The following CPLX4 variants were observed in gnomAD, a reference collection of about 807,000 sequenced individuals.
CPLX4 encodes complexin 4.
CPLX4 carries 17 observed loss-of-function variants against 16.1 expected under a neutral mutation model. The observed-to-expected ratio is 1.06, with a 90% CI of 0.72 to 1.59. CPLX4 has a LOEUF of 1.59. Among genes scored for constraint, CPLX4 ranks in the 40% most tolerant of loss-of-function variants. CPLX4 has a pLI of 0.00. For missense variants in CPLX4, 193 were observed against 192.9 expected (o/e 1.00, Z 0.00); for synonymous variants, 55 against 57.8 (o/e 0.95, Z 0.22).
intron 2 of CPLX4, among the ~76,000 whole-genome samples, chr18:59,300,396 T>C (rs1419245850): frequency 1.3e-5 from 2 of 152,182 alleles, no homozygotes; most frequent in Non-Finnish European, 2.9e-5. Flanking sequence ...AATGAACCTA[T>C]TGTCAGAGAG....
intron 2 of CPLX4, among the ~76,000 whole-genome samples, chr18:59,300,716 A>G (rs1043641367): frequency 6.6e-6 from 1 of 152,232 alleles, no homozygotes; most frequent in Non-Finnish European, 1.5e-5. Flanking sequence ...GTAGCTATTC[A>G]TAAAAATAAT....
chr18:59,308,405 G>A (rs2070592001), intron 2 of CPLX4, among the ~76,000 whole-genome samples: 1 of 151,706 alleles, frequency 6.6e-6, no homozygotes, highest in African/African-American at 2.4e-5. Flanking sequence ...TCCCTCTCCC[G>A]TTATGCCATG....
Position 59,295,529 on chromosome 18 carries a change from C to T in CPLX4, c.*1169G>A, listed in dbSNP as rs903324989. On this transcript the variant is annotated 3_prime_UTR_variant, in exon 3 of 3. Transcript: ENST00000299721. Reference sequence around the variant, plus strand: ...AGTTTTCGGTCTCAGTTTCCTTTTCCTTTGATAGATCTTTATTCACTGTAT... The same window carrying T: ...AGTTTTCGGTCTCAGTTTCCTTTTCTTTTGATAGATCTTTATTCACTGTAT... 13 of 149,668 alleles carry T rather than the reference C, an allele frequency of 8.7e-5. No homozygotes were observed. The highest frequency in any genetic ancestry group is 1.6e-4 in the Non-Finnish European group (11 of 67,714). 9.3% of individuals were successfully genotyped at this position (149,668 alleles called of 1,614,324 possible). A position where few individuals can be genotyped will look rare whatever the true frequency, so the allele number is the denominator to read the frequency against.
intron 2 of CPLX4, among the ~76,000 whole-genome samples, chr18:59,307,456 G>T (rs2144186019): frequency 6.6e-6 from 1 of 152,330 alleles, no homozygotes; most frequent in Middle Eastern, 3.4e-3. Context: ...AAGCCCCAAA[G>T]AGGGGACTTA....
chr18:59,301,093 C>T (rs749675115), intron 2 of CPLX4, among the ~76,000 whole-genome samples: 43 of 152,226 alleles, frequency 2.8e-4, no homozygotes, highest in Non-Finnish European at 5.9e-4. Flanking sequence ...ACCTTGGGTG[C>T]ATGGCCCCTA....
intron 1 of CPLX4, 145 bp downstream of exon 1, chr18:59,318,151 G>T (rs1603392532): frequency 1.5e-6 from 2 of 1,370,818 alleles, no homozygotes; most frequent in East Asian, 4.8e-5. Context: ...TACTTTAGAA[G>T]AACAACCTTT....
intron 2 of CPLX4, among the ~76,000 whole-genome samples, chr18:59,307,522 T>C (rs1056098770): frequency 6.6e-6 from 1 of 152,150 alleles, no homozygotes; most frequent in African/African-American, 2.4e-5. Flanking sequence ...GTTCCTTTGG[T>C]TCAGCCCTCG....
In CPLX4 at chr18:59,318,438, T is replaced by C; in HGVS notation, c.25A>G (p.Ile9Val). The change falls in exon 1 of 3, where the codon ATA (isoleucine) becomes GTA (valine). Residue 9 changes from isoleucine (I) to valine (V), a missense_variant. Transcript: ENST00000299721. ...CCTAAATTCTTTACCTGGTTACTTA[T>C]CATACTTTTCATAAGGAAAGCCATT... MAFLMKSM[I>V]SNQVKNLGFG... The C allele has an allele frequency of 6.2e-7, 1 of 1,610,798 alleles. No individual in the cohort carries two copies. The highest frequency in any genetic ancestry group is 1.3e-5 in the African/African-American group (1 of 74,756).
intron 1 of CPLX4, among the ~76,000 whole-genome samples, chr18:59,313,230 CCA>C (rs1274027390): frequency 3.9e-5 from 6 of 152,110 alleles, no homozygotes; most frequent in African/African-American, 1.4e-4. Flanking sequence ...TAAAATAGGG[CCA>C]CAGTGTCCAG....
chr18:59,318,156 A>G, intron 1 of CPLX4, 140 bp downstream of exon 1: 1 of 1,387,022 alleles, frequency 7.2e-7, no homozygotes, highest in Non-Finnish European at 9.4e-7. Context: ...TAGAAGAACA[A>G]CCTTTCCTTG....
In CPLX4 at chr18:59,307,580, C is replaced by T. The variant is rs1442253244; in HGVS notation, c.255+5105G>A. 3.3e-5 allele frequency among the ~76,000 whole-genome samples: 5 copies of T among 152,100 alleles called. No homozygotes were observed. In the East Asian group the frequency reaches 9.7e-4, roughly 29 times the overall value. On this transcript the variant is annotated intron_variant, in intron 2 of 2. Coordinates refer to ENST00000299721, the MANE Select transcript of CPLX4 (RefSeq NM_181654.4). ...TAAGAGCCAGCACTGGCAGGCCTGC[C>T]TCTCCTCTCCTTCCCTCCAGTTCTT...
chr18:59,305,042 G>T (rs748262364), intron 2 of CPLX4, among the ~76,000 whole-genome samples: 8 of 151,808 alleles, frequency 5.3e-5, no homozygotes, highest in Non-Finnish European at 1.2e-4. Flanking sequence ...TTTAAAAGGA[G>T]CACACAGTAG....
At chr18:59,312,947 C>T (rs978121935) in intron 1 of CPLX4, among the ~76,000 whole-genome samples, 175 bp from the exon 2 acceptor site, 3 of 152,112 alleles carry the variant, frequency 2.0e-5, no homozygotes, top group African/African-American at 7.2e-5. Flanking sequence ...CTGTTTGTTA[C>T]TCTACTGTCA....
rs370860769 is a variant in CPLX4, at chr18:59,296,862, G to A, written c.319C>T (p.Arg107Trp). The A allele has an allele frequency of 1.5e-5, 25 of 1,613,292 alleles. 1 individual carries two copies. Among genetic ancestry groups the A allele is most frequent in the East Asian group, 1.3e-4 (6 of 44,882 alleles). Residue 107 changes from arginine to tryptophan, a missense_variant, in exon 3 of 3, where the codon CGG becomes TGG. By Grantham distance (101) the Arg-to-Trp change is moderately radical (BLOSUM62 -3). Transcript: ENST00000299721. Reference protein sequence around the residue: ...GDDVDLPEDLRKMVDEDQEEE... With the variant: ...GDDVDLPEDLWKMVDEDQEEE... ...TCTTGATCTTCATCTACCATTTTCC[G>A]GAGATCTTCAGGTAAATCCACATCA...
intron 1 of CPLX4, among the ~76,000 whole-genome samples, chr18:59,317,669 T>C (rs2070659649): frequency 1.3e-5 from 2 of 152,130 alleles, no homozygotes; most frequent in African/African-American, 2.4e-5. Context: ...CTGTAAGCTG[T>C]TGATTTTATG....
Position 59,309,861 on chromosome 18 carries a change from A to G in CPLX4, c.255+2824T>C, listed in dbSNP as rs550837554. On this transcript the variant is annotated intron_variant, in intron 2 of 2. Coordinates refer to ENST00000299721, the MANE Select transcript of CPLX4 (RefSeq NM_181654.4). ...AAAAAAAGAAAAAGAAAAAAAGAGT[A>G]GAAAGAACAAATGCCTTGAAAGGAG... is the stretch of plus-strand genomic sequence containing the variant. Among the ~76,000 whole-genome samples the G allele has an allele frequency of 4.0e-5, 6 of 151,248 alleles. No individual in the cohort carries two copies. The East Asian group carries it at 1.2e-3, about 30-fold the overall frequency.
intron 1 of CPLX4, among the ~76,000 whole-genome samples, chr18:59,317,307 A>G (rs1194292139): frequency 1.3e-5 from 2 of 152,182 alleles, no homozygotes; most frequent in Non-Finnish European, 2.9e-5. Context: ...CTTTTGAAAC[A>G]TATGATAAAC....
Position 59,318,429 on chromosome 18 carries a change from G to A in CPLX4, c.34C>T (p.Gln12Ter), listed in dbSNP as rs143459722. Residue 12 changes from glutamine to a stop codon, truncating the protein, a stop_gained, in exon 1 of 3, where the codon CAG (glutamine) becomes TAG (stop). Transcript: ENST00000299721. LOFTEE classifies it high-confidence loss of function. ...AFLMKSMISN[Q>*]VKNLGFGGGS... is the part of the protein sequence containing the mutation. The stretch of plus-strand genomic sequence containing the variant: ...CCACCAAATCCTAAATTCTTTACCT[G>A]GTTACTTATCATACTTTTCATAAGG... 39 of 1,612,698 alleles carry A rather than the reference G, an allele frequency of 2.4e-5. No individual in the cohort carries two copies. Among genetic ancestry groups the A allele is most frequent in the African/African-American group, 6.7e-5 (5 of 74,710 alleles).
chr18:59,312,705 C>T lies in CPLX4; in HGVS notation c.235G>A (p.Glu79Lys). 1 of 1,389,720 alleles carries T rather than the reference C, an allele frequency of 7.2e-7. No individual in the cohort carries two copies. Among genetic ancestry groups the T allele is most frequent in the Non-Finnish European group, 1.0e-6 (1 of 975,454 alleles). The allele number at this position is 1,389,720 out of a possible 1,614,324, so 86.1% of individuals were successfully genotyped here. A position where few individuals can be genotyped will look rare whatever the true frequency, so the allele number is the denominator to read the frequency against. The change falls in exon 2 of 3, where the codon GAA becomes AAA. Residue 79 changes from glutamate to lysine, a missense_variant. Transcript: ENST00000299721. ...CTTACCTTTGGGAGCCTGTATTTTTCTCTGAGATGAACTCTGAGGCATGCC... is the reference window on the plus strand; with the variant it reads ...CTTACCTTTGGGAGCCTGTATTTTTTTCTGAGATGAACTCTGAGGCATGCC... Reference protein sequence around the residue: ...ERACLRVHLREKYRLPKSEMD... With the variant: ...ERACLRVHLRKKYRLPKSEMD...
Sources: gnomAD v4.1 joint callset for allele counts (sites outside exome capture counted in the v4.1 genomes callset) on GRCh38, gnomAD v4.1.1 for gene constraint, MANE v1.5 for transcripts, NCBI Gene and HGNC (gene_info 2026-07-23, HGNC 2026-07-21) for gene names.